The following AGAP1 variants were observed in gnomAD, a reference collection of about 807,000 sequenced individuals.
AGAP1 encodes the protein arf-GAP with GTPase, ANK repeat and PH domain-containing protein 1.
Under a neutral mutation model 105.3 loss-of-function variants are expected in AGAP1, and 29 were observed. The ratio of observed to expected loss-of-function variants is 0.28; its 90% CI spans 0.21 to 0.38. The LOEUF is 0.38. Ranked by LOEUF, AGAP1 falls within the 10% of genes least tolerant of loss-of-function variation. AGAP1 has a pLI of 1.00. For synonymous variants in AGAP1, 509 were observed against 485.9 expected (o/e 1.05, Z -0.63); for missense variants, 998 against 1,165.1 (o/e 0.86, Z 2.09).
In AGAP1 at chr2:235,596,533, T is replaced by G. The variant is rs1164206117; in HGVS notation, c.163+101684T>G. On this transcript the variant is annotated intron_variant, in intron 1 of 17. Transcript: ENST00000304032. The surrounding 1 kb of genome is among the most constrained non-coding windows in gnomAD (Gnocchi z 5.9). ...GAGCCACAGGTAGCACCCCGGCTGC[T>G]GGTCCCTGGTCTGGGGAAAGGCAGG... Among the ~76,000 whole-genome samples the G allele has an allele frequency of 4.6e-5, 7 of 152,216 alleles. No individual in the cohort carries two copies. Among genetic ancestry groups the G allele is most frequent in the Non-Finnish European group, 1.0e-4 (7 of 68,044 alleles).
rs973020407 is a variant in AGAP1 at position 235,566,446 on chromosome 2, C to G, written c.163+71597C>G. The G allele has an allele frequency of 2.3e-6, 1 of 429,202 alleles. No individual in the cohort carries two copies. The highest frequency in any genetic ancestry group is 3.1e-6 in the Non-Finnish European group (1 of 321,968). 26.6% of individuals were successfully genotyped at this position (429,202 alleles called of 1,614,324 possible). Reference sequence around the variant, plus strand: ...GCATGCATAGCTGCTATTATTAACTCGAGATCAATATTGATTTACTGTTTT... The same window carrying G: ...GCATGCATAGCTGCTATTATTAACTGGAGATCAATATTGATTTACTGTTTT... On this transcript the variant is annotated intron_variant, in intron 1 of 17. Coordinates refer to ENST00000304032, the MANE Select transcript of AGAP1 (RefSeq NM_001037131.3). The surrounding 1 kb of genome is among the most constrained non-coding windows in gnomAD (Gnocchi z 5.2).
rs1003352807 is a variant in AGAP1 at position 236,104,239 on chromosome 2, G to C, written c.2115-15953G>C. 1.3e-5 allele frequency among the ~76,000 whole-genome samples: 2 copies of C among 152,222 alleles called. No individual in the cohort carries two copies. The highest frequency in any genetic ancestry group is 1.3e-4 in the Admixed American group (2 of 15,288). ...GGGCCAGGCCTGTTGGCTGCTGTGA[G>C]AGATACGCCACCAGGCCAGGCTGAC... On this transcript the variant is annotated intron_variant, in intron 16 of 17. Transcript: ENST00000304032. This position sits in a 1 kb window ranked among gnomAD's most constrained non-coding sequence, Gnocchi z 4.7.
At chr2:235,844,790 C>T (rs1259528110) in intron 9 of AGAP1, among the ~76,000 whole-genome samples, 5 of 152,178 alleles carry the variant, frequency 3.3e-5, no homozygotes, top group African/African-American at 4.8e-5. Context: ...CAAGACATAG[C>T]GTTGGTGCTG....
chr2:235,934,749 G>C lies in AGAP1; in HGVS notation c.1483+3826G>C, dbSNP rs932288519. 4.6e-5 allele frequency among the ~76,000 whole-genome samples: 7 copies of C among 151,926 alleles called. No homozygotes were observed. Among genetic ancestry groups the C allele is most frequent in the Admixed American group, 4.6e-4 (7 of 15,248 alleles). ...TTTGGATTTCAGAGTCGCTTACTCT[G>C]TGCTGGCAGCAGGAATGAATGGGGA... On this transcript the variant is annotated intron_variant, in intron 12 of 17. Transcript: ENST00000304032. This position sits in a 1 kb window ranked among gnomAD's most constrained non-coding sequence, Gnocchi z 4.9.
chr2:235,527,747 GA>G (rs1228824727), intron 1 of AGAP1, among the ~76,000 whole-genome samples: 1 of 152,024 alleles, frequency 6.6e-6, no homozygotes, highest in South Asian at 2.1e-4. Context: ...AAACAGGGTG[GA>G]AAAAAATGCC....
At chr2:235,704,383 T>G (rs935436046) in intron 1 of AGAP1, among the ~76,000 whole-genome samples, 6 of 151,338 alleles carry the variant, frequency 4.0e-5, no homozygotes, top group African/African-American at 1.2e-4. Flanking sequence ...GCGTGGTGGC[T>G]CATGCCTATA....
At chr2:235,689,000 G>A (rs567469115) in intron 1 of AGAP1, among the ~76,000 whole-genome samples, 25 of 152,198 alleles carry the variant, frequency 1.6e-4, no homozygotes, top group Non-Finnish European at 3.1e-4. Context: ...CATTTGTGCA[G>A]CGATTCCAGC....
chr2:235,727,878 G>A (rs867030721), intron 3 of AGAP1, among the ~76,000 whole-genome samples: 2 of 152,170 alleles, frequency 1.3e-5, no homozygotes, highest in African/African-American at 4.8e-5. Context: ...AGACAGGGTG[G>A]GGGTGCAGCA....
chr2:235,986,225 G>C (rs183648999), intron 13 of AGAP1, among the ~76,000 whole-genome samples: 26 of 152,114 alleles, frequency 1.7e-4, no homozygotes, highest in African/African-American at 6.3e-4. Context: ...TATTGTCTTT[G>C]TAGAGATTGT....
Position 235,740,825 on chromosome 2 carries a change from G to C in AGAP1, c.311-138G>C. On this transcript the variant is annotated intron_variant, in intron 3 of 17. Transcript: ENST00000304032. The surrounding 1 kb of genome is among the most constrained non-coding windows in gnomAD (Gnocchi z 5.7). ...TCGGCTCTGTTAAAATTCAGCATTT[G>C]CTGGCAACATCCTAAATACTCAGTT... 2.2e-6 allele frequency: 2 copies of C among 906,276 alleles called. No homozygotes were observed. Among genetic ancestry groups the C allele is most frequent in the South Asian group, 3.9e-5 (2 of 51,934 alleles). 56.1% of individuals were successfully genotyped at this position (906,276 alleles called of 1,614,324 possible).
chr2:235,652,719 C>T (rs1947636960), intron 1 of AGAP1, among the ~76,000 whole-genome samples: 1 of 151,514 alleles, frequency 6.6e-6, no homozygotes, highest in African/African-American at 2.4e-5. Flanking sequence ...TGGTGAAACC[C>T]CATCTCCCTT....
chr2:235,932,456 G>A (rs1236440765), intron 12 of AGAP1, among the ~76,000 whole-genome samples: 1 of 152,204 alleles, frequency 6.6e-6, no homozygotes, highest in African/African-American at 2.4e-5. Context: ...TTATCAATTA[G>A]TATTACTATT....
At chr2:235,533,067 G>C (rs2149077670) in intron 1 of AGAP1, among the ~76,000 whole-genome samples, 1 of 152,292 alleles carries the variant, frequency 6.6e-6, no homozygotes, top group Admixed American at 6.5e-5. Flanking sequence ...CCCACCACAT[G>C]TATGGTGGGG....
Position 235,964,818 on chromosome 2 carries a change from C to T in AGAP1, c.1484-3644C>T, listed in dbSNP as rs1349651874. ...GGTGAAAGTCTGGGAGGAGAAGGAC[C>T]TCGTGGAGCTGGCCGCACAGTCTAG... On this transcript the variant is annotated intron_variant, in intron 12 of 17. Coordinates refer to ENST00000304032, the MANE Select transcript of AGAP1 (RefSeq NM_001037131.3). This position sits in a 1 kb window ranked among gnomAD's most constrained non-coding sequence, Gnocchi z 4.6. Among the ~76,000 whole-genome samples, 1 of 152,110 alleles carries T rather than the reference C, an allele frequency of 6.6e-6. No individual in the cohort carries two copies. Among genetic ancestry groups the T allele is most frequent in the Non-Finnish European group, 1.5e-5 (1 of 68,030 alleles).
chr2:235,646,760 G>T (rs748490884), intron 1 of AGAP1, among the ~76,000 whole-genome samples: 15 of 152,232 alleles, frequency 9.9e-5, no homozygotes, highest in Non-Finnish European at 2.2e-4. Flanking sequence ...GGCCTTGAGA[G>T]GCACAGGCTG....
rs1307125212 is a variant in AGAP1, at chr2:235,692,251, A to T, written c.164-16928A>T. ...CATGTAGATATGCCCGCTGCCTTGC[A>T]CCTGTTCCTCTGGCCTCGCCTCTGT... is the stretch of plus-strand genomic sequence containing the variant. On this transcript the variant is annotated intron_variant, in intron 1 of 17. Coordinates refer to ENST00000304032, the MANE Select transcript of AGAP1 (RefSeq NM_001037131.3). This position sits in a 1 kb window ranked among gnomAD's most constrained non-coding sequence, Gnocchi z 5.8. Among the ~76,000 whole-genome samples, 1 of 152,062 alleles carries T rather than the reference A, an allele frequency of 6.6e-6. No homozygotes were observed. The highest frequency in any genetic ancestry group is 1.5e-5 in the Non-Finnish European group (1 of 67,974).
intron 6 of AGAP1, among the ~76,000 whole-genome samples, chr2:235,785,871 T>C (rs1575459574): frequency 6.6e-6 from 1 of 151,904 alleles, no homozygotes; most frequent in East Asian, 1.9e-4. Flanking sequence ...TGACAAATTG[T>C]GTTAGTTTAC....
At chr2:236,072,843 A>G (rs1280016528) in intron 16 of AGAP1, among the ~76,000 whole-genome samples, 1 of 152,128 alleles carries the variant, frequency 6.6e-6, no homozygotes, top group Non-Finnish European at 1.5e-5. Flanking sequence ...CTATACCAGG[A>G]GCCATATGTG....
intron 1 of AGAP1, among the ~76,000 whole-genome samples, chr2:235,536,943 G>A (rs1943257841): frequency 6.6e-6 from 1 of 152,102 alleles, no homozygotes; most frequent in South Asian, 2.1e-4. Context: ...TCTGCTGTGG[G>A]CAGGTGCAGG....
Sources: gnomAD v4.1 joint callset for allele counts (sites outside exome capture counted in the v4.1 genomes callset) on GRCh38, gnomAD v4.1.1 for gene constraint, Gnocchi (gnomAD v3.1) non-coding constraint, MANE v1.5 for transcripts, NCBI Gene and HGNC (gene_info 2026-07-23, HGNC 2026-07-21) for gene names.